FGD6: variants seen among roughly 807,000 people sequenced by gnomAD.
FGD6 encodes FYVE, RhoGEF and PH domain containing 6.
FGD6 carries 90 observed loss-of-function variants against 149.4 expected under a neutral mutation model. That is an observed-to-expected ratio of 0.60 (90% CI 0.51 to 0.72). The LOEUF is 0.72. FGD6 is among the 30% of genes least tolerant of loss of function. The pLI, the probability that FGD6 is intolerant of heterozygous loss-of-function variation, is 0.00. For missense variants in FGD6, 1,437 were observed against 1,684.8 expected (o/e 0.85, Z 2.57); for synonymous variants, 527 against 584.0 (o/e 0.90, Z 1.41).
At chr12:95,103,725 TG>T (rs568431979) in intron 14 of FGD6, among the ~76,000 whole-genome samples, 28 of 152,146 alleles carry the variant, frequency 1.8e-4, no homozygotes, top group Non-Finnish European at 2.6e-4. Context: ...TTAGTAGAGA[TG>T]GGGTTTCACC....
chr12:95,199,205 G>C lies in FGD6; in HGVS notation c.2441+9638C>G, dbSNP rs533621852. Among the ~76,000 whole-genome samples the C allele has an allele frequency of 2.6e-5, 4 of 152,236 alleles. No homozygotes were observed. The South Asian group carries it at 6.2e-4, about 24-fold the overall frequency. On this transcript the variant is annotated intron_variant, in intron 2 of 20. Coordinates refer to ENST00000343958, the MANE Select transcript of FGD6 (RefSeq NM_018351.4). Reference sequence around the variant, plus strand: ...TGGTTTTGGAATTTCCCATTTCTGTGGTGTGGGCAAAGTCGACAAGTCTTC... The same window carrying C: ...TGGTTTTGGAATTTCCCATTTCTGTCGTGTGGGCAAAGTCGACAAGTCTTC...
chr12:95,152,969 T>C lies in FGD6; in HGVS notation c.2611A>G (p.Lys871Glu), dbSNP rs1478147564. The change falls in exon 4 of 21, where the codon AAA becomes GAA. Residue 871 changes from lysine to glutamate, a missense_variant. Lys to Glu is a moderately conservative substitution (Grantham distance 56). Around this residue, in one of 2 missense-constraint regions of FGD6, gnomAD observed 1,055 missense variants for 1,146.0 expected, o/e 0.92. Coordinates refer to ENST00000343958, the MANE Select transcript of FGD6 (RefSeq NM_018351.4). The part of the protein sequence containing the change: ...KQDEDNGMKS[K>E]VHHIAKEIMS... ...ATCTCCTTGGCAATATGATGAACTTTACTTTTCATTCCATTATCTTCATCC... is the reference window on the plus strand; with the variant it reads ...ATCTCCTTGGCAATATGATGAACTTCACTTTTCATTCCATTATCTTCATCC... The C allele has an allele frequency of 8.7e-6, 14 of 1,614,004 alleles. No individual in the cohort carries two copies. Among genetic ancestry groups the C allele is most frequent in the Non-Finnish European group, 1.2e-5 (14 of 1,179,936 alleles).
intron 3 of FGD6, among the ~76,000 whole-genome samples, chr12:95,157,295 G>A (rs998798082): frequency 6.6e-6 from 1 of 152,110 alleles, no homozygotes; most frequent in African/African-American, 2.4e-5. Context: ...GGCTGGGTGC[G>A]GTGGCTGACG....
intron 2 of FGD6, among the ~76,000 whole-genome samples, chr12:95,201,955 TACACACACACAC>T (rs71078621): frequency 0.33 from 48,712 of 146,400 alleles, 8,095 homozygotes; most frequent in Middle Eastern, 0.4. Flanking sequence ...CAGGACAGAA[TACACACACACAC>T]ACACACACAC....
At chr12:95,119,010 G>A (rs556656758) in intron 8 of FGD6, among the ~76,000 whole-genome samples, 49 of 152,170 alleles carry the variant, frequency 3.2e-4, no homozygotes, top group African/African-American at 1.1e-3. Flanking sequence ...GGCCAGGTGC[G>A]ATGGCTCATG....
At chr12:95,130,696 T>C (rs928984204) in intron 8 of FGD6, among the ~76,000 whole-genome samples, 2 of 151,920 alleles carry the variant, frequency 1.3e-5, no homozygotes, top group Non-Finnish European at 2.9e-5. Flanking sequence ...CTGGGCAACA[T>C]GGGGAAACCC....
rs1296372357 is a variant in FGD6, at chr12:95,209,298, G to C, written c.1986C>G (p.Leu662=). ...SQLGDTTTGH[L]SSGEQKGIES... ...CAATCCCCTTCTGCTCCCCACTGGA[G>C]AGGTGGCCTGTGGTGGTGTCTCCGA... The change falls in exon 2 of 21, where the codon CTC becomes CTG. Residue 662 remains leucine, a synonymous_variant. Transcript: ENST00000343958. 1 of 1,613,974 alleles carries C rather than the reference G, an allele frequency of 6.2e-7. No individual in the cohort carries two copies. The highest frequency in any genetic ancestry group is 8.5e-7 in the Non-Finnish European group (1 of 1,180,024).
chr12:95,129,947 T>C (rs1301252871), intron 8 of FGD6, among the ~76,000 whole-genome samples: 1 of 152,182 alleles, frequency 6.6e-6, no homozygotes, highest in Non-Finnish European at 1.5e-5. Flanking sequence ...GTGTTGGGAT[T>C]ACAGGCGTGA....
At chr12:95,089,544 T>C (rs754501682) in intron 18 of FGD6, 25 bp downstream of exon 18, 4 of 1,610,920 alleles carry the variant, frequency 2.5e-6, no homozygotes, top group East Asian at 4.5e-5. Flanking sequence ...CTCTATCACA[T>C]TGCAAATTTA....
chr12:95,084,877 C>T (rs1269794108), intron 19 of FGD6, among the ~76,000 whole-genome samples: 1 of 152,256 alleles, frequency 6.6e-6, no homozygotes, highest in Admixed American at 6.5e-5. Context: ...GGCATGTTCA[C>T]ATCTACTGAA....
rs1320385036 is a variant in FGD6, at chr12:95,089,683, G to A, written c.3864C>T (p.Ser1288=). 12 of 1,613,568 alleles carry A rather than the reference G, an allele frequency of 7.4e-6. No homozygotes were observed. Among genetic ancestry groups the A allele is most frequent in the Admixed American group, 1.7e-5 (1 of 59,980 alleles). Residue 1288 remains serine, a synonymous_variant, in exon 18 of 21, where the codon TCC becomes TCT. Transcript: ENST00000343958. ...QELQKLDHQH[S]PRIGSPGNHK... is the part of the protein sequence containing the mutation. ...GATTTCCAGGAGATCCAATCCTAGGGGAGTGCTGGTGATCTAGAACAAATC... is the reference window on the plus strand; with the variant it reads ...GATTTCCAGGAGATCCAATCCTAGGAGAGTGCTGGTGATCTAGAACAAATC...
intron 5 of FGD6, among the ~76,000 whole-genome samples, chr12:95,141,869 C>T (rs1879857425): frequency 2.0e-5 from 3 of 152,098 alleles, no homozygotes; most frequent in South Asian, 4.1e-4. Flanking sequence ...AGAATTATTC[C>T]AATACCATCA....
chr12:95,140,297 C>G (rs1379159522), intron 6 of FGD6, among the ~76,000 whole-genome samples: 1 of 152,184 alleles, frequency 6.6e-6, no homozygotes, highest in Non-Finnish European at 1.5e-5. Flanking sequence ...GCTTCCAATA[C>G]CAACCTTTTG....
chr12:95,217,185 C>T (rs2056829058), intron 1 of FGD6, 40 bp downstream of exon 1: 2 of 1,611,972 alleles, frequency 1.2e-6, no homozygotes, highest in Non-Finnish European at 1.7e-6. Flanking sequence ...GCAGCGCTCG[C>T]CACAAACTTT....
At chr12:95,101,394 C>T (rs979611554) in intron 14 of FGD6, among the ~76,000 whole-genome samples, 1 of 152,106 alleles carries the variant, frequency 6.6e-6, no homozygotes, top group Non-Finnish European at 1.5e-5. Context: ...CTGTTCATTA[C>T]ACCTGTCTGG....
At position 95,137,682 on chromosome 12, in the gene FGD6, T is replaced by C; in HGVS notation, c.2838-4A>G. ...AGCAATTCTTTGTTGTTCAGTCCTA[T>C]GGATAGAGAAGAGATACACAAAAAA... is the stretch of plus-strand genomic sequence containing the variant. On this transcript the variant is annotated splice_region_variant and splice_polypyrimidine_tract_variant and intron_variant, in intron 6 of 20. Transcript: ENST00000343958. 1 of 1,568,800 alleles carries C rather than the reference T, an allele frequency of 6.4e-7. No individual in the cohort carries two copies.
At chr12:95,193,859 A>G (rs1399785915) in intron 2 of FGD6, among the ~76,000 whole-genome samples, 1 of 151,770 alleles carries the variant, frequency 6.6e-6, no homozygotes, top group Admixed American at 6.6e-5. Flanking sequence ...TGCCAATTCC[A>G]AAAGGCCACA....
At chr12:95,153,084 T>C (rs1437099684) in intron 3 of FGD6, 91 bp from the exon 4 acceptor site, 1 of 1,124,768 alleles carries the variant, frequency 8.9e-7, no homozygotes, top group Non-Finnish European at 1.3e-6. Context: ...ACTCTGATAC[T>C]TGTAAGTTTC....
chr12:95,185,653 G>A (rs1881408140), intron 2 of FGD6, among the ~76,000 whole-genome samples: 1 of 152,188 alleles, frequency 6.6e-6, no homozygotes, highest in Non-Finnish European at 1.5e-5. Flanking sequence ...ATGAGGTCAG[G>A]AGTTCGAGAC....
Sources: gnomAD v4.1 joint callset for allele counts (sites outside exome capture counted in the v4.1 genomes callset) on GRCh38, gnomAD v4.1.1 for gene constraint, gnomAD v4.1.1 regional missense constraint, MANE v1.5 for transcripts, NCBI Gene and HGNC (gene_info 2026-07-23, HGNC 2026-07-21) for gene names.